The following SDK2 variants were observed in gnomAD, a reference collection of about 807,000 sequenced individuals.
SDK2 encodes sidekick cell adhesion molecule 2.
In SDK2, 105 loss-of-function variants were observed where a neutral mutation model predicts 253.9. The ratio of observed to expected loss-of-function variants is 0.41; its 90% CI spans 0.35 to 0.49. The LOEUF is 0.49. SDK2 is among the 20% of genes least tolerant of loss of function. SDK2 has a pLI of 0.06. For missense variants in SDK2, 2,608 were observed against 3,003.0 expected (o/e 0.87, Z 3.07); for synonymous variants, 1,249 against 1,234.9 (o/e 1.01, Z -0.24).
In SDK2 at chr17:73,399,186, G is replaced by A; in HGVS notation, c.3075C>T (p.Arg1025=). 6.2e-7 allele frequency: 1 copy of A among 1,613,850 alleles called. No homozygotes were observed. Among genetic ancestry groups the A allele is most frequent in the Non-Finnish European group, 8.5e-7 (1 of 1,179,882 alleles). The change falls in exon 22 of 45, where the codon CGC becomes CGT. Residue 1025 remains arginine, a synonymous_variant. Transcript: ENST00000392650. ...GCCCTACCTGGGCTTCCACCAGCCA[G>A]CGGGAGATGGAGGTTTTCCCATCGT... is the stretch of plus-strand genomic sequence containing the variant. The part of the protein sequence containing the change: ...PGYDGKTSIS[R]WLVEAQVGVV...
At chr17:73,587,995 G>T (rs538939065) in intron 1 of SDK2, among the ~76,000 whole-genome samples, 2 of 152,240 alleles carry the variant, frequency 1.3e-5, no homozygotes, top group South Asian at 4.1e-4. Flanking sequence ...ATGTTCATAA[G>T]ACTCTAGTCC....
chr17:73,604,930 G>T (rs2045888019), intron 1 of SDK2, among the ~76,000 whole-genome samples: 1 of 152,174 alleles, frequency 6.6e-6, no homozygotes, highest in Admixed American at 6.5e-5. Flanking sequence ...ACATTTAGTG[G>T]ACCACTGCGG....
chr17:73,343,284 G>C (rs867556310), intron 44 of SDK2, among the ~76,000 whole-genome samples: 7 of 152,262 alleles, frequency 4.6e-5, no homozygotes, highest in Non-Finnish European at 5.9e-5. Context: ...TGCGGGAGGG[G>C]CCAGGCAGGC....
At chr17:73,389,172 G>A (rs2062905316) in intron 29 of SDK2, among the ~76,000 whole-genome samples, 1 of 141,046 alleles carries the variant, frequency 7.1e-6, no homozygotes, top group Non-Finnish European at 1.5e-5. Context: ...ACACCTGGCT[G>A]ATATTCCTTT....
At chr17:73,606,538 C>T (rs1282102226) in intron 1 of SDK2, among the ~76,000 whole-genome samples, 1 of 152,204 alleles carries the variant, frequency 6.6e-6, no homozygotes, top group African/African-American at 2.4e-5. Context: ...ACCCTTACGA[C>T]AGCCACGAAG....
chr17:73,448,023 T>C (rs1039696449), intron 4 of SDK2, among the ~76,000 whole-genome samples: 1 of 152,070 alleles, frequency 6.6e-6, no homozygotes, highest in African/African-American at 2.4e-5. Context: ...GAAGCTTCCC[T>C]GGCCCCTACC....
intron 1 of SDK2, among the ~76,000 whole-genome samples, chr17:73,585,199 C>T (rs2045588051): frequency 1.3e-5 from 2 of 152,246 alleles, no homozygotes; most frequent in Admixed American, 6.5e-5. Context: ...CAGGGCCACA[C>T]AGCTGGAGGC....
chr17:73,347,632 T>G (rs1302935778), intron 44 of SDK2, among the ~76,000 whole-genome samples: 2 of 152,140 alleles, frequency 1.3e-5, no homozygotes, highest in African/African-American at 4.8e-5. Context: ...CTTCCTTCAC[T>G]TCCTCTCCCA....
At chr17:73,422,987 C>T (rs1350106096) in intron 14 of SDK2, among the ~76,000 whole-genome samples, 2 of 151,802 alleles carry the variant, frequency 1.3e-5, no homozygotes, top group African/African-American at 2.4e-5. Flanking sequence ...CACCATTGCA[C>T]TCCAGCCTGG....
In SDK2 at chr17:73,461,921, T is replaced by C. The variant is rs570845414; in HGVS notation, c.332-5868A>G. On this transcript the variant is annotated intron_variant, in intron 3 of 44. Transcript: ENST00000392650. The stretch of plus-strand genomic sequence containing the variant: ...TGTATGCATGTACATGTCTGTATGG[T>C]GGAATGGATGGTTGTATGTATGTTT... 3.7e-3 allele frequency among the ~76,000 whole-genome samples: 559 copies of C among 151,218 alleles called. 2 individuals carry two copies. Among genetic ancestry groups the C allele is most frequent in the Non-Finnish European group, 6.2e-3 (421 of 67,884 alleles).
At chr17:73,525,274 C>T (rs997577953) in intron 1 of SDK2, among the ~76,000 whole-genome samples, 13 of 152,094 alleles carry the variant, frequency 8.5e-5, no homozygotes, top group East Asian at 3.9e-4. Context: ...AGGGGGTGAA[C>T]GCCAGGAGGG....
chr17:73,490,628 A>C (rs976297937), intron 2 of SDK2, among the ~76,000 whole-genome samples: 2 of 149,980 alleles, frequency 1.3e-5, no homozygotes, highest in Non-Finnish European at 3.0e-5. Flanking sequence ...CCTGGGTTCA[A>C]GTGATCCCCC....
At position 73,337,432 on chromosome 17, in the gene SDK2, G is replaced by A. The variant is rs1390281307; in HGVS notation, c.*1155C>T. The A allele has an allele frequency of 2.0e-5, 3 of 152,196 alleles. No homozygotes were observed. Among genetic ancestry groups the A allele is most frequent in the Admixed American group, 2.0e-4 (3 of 15,262 alleles). 9.4% of individuals were successfully genotyped at this position (152,196 alleles called of 1,614,324 possible). A position where few individuals can be genotyped will look rare whatever the true frequency, so the allele number is the denominator to read the frequency against. ...AGATCTGAAAGTGAGTGTGCTGTCT[G>A]GCTAGGAGGGCCCAGATGAGTTTGT... On this transcript the variant is annotated 3_prime_UTR_variant, in exon 45 of 45. Coordinates refer to ENST00000392650, the MANE Select transcript of SDK2 (RefSeq NM_001144952.2).
At chr17:73,474,104 C>T (rs933038406) in intron 2 of SDK2, among the ~76,000 whole-genome samples, 50 of 152,166 alleles carry the variant, frequency 3.3e-4, no homozygotes, top group African/African-American at 1.2e-3. Context: ...TTGGCACAAG[C>T]AATCCTCCCA....
Position 73,350,145 on chromosome 17 carries a change from G to A in SDK2, c.6038+92C>T, listed in dbSNP as rs1248093290. 7.0e-6 allele frequency: 5 copies of A among 711,886 alleles called. No individual in the cohort carries two copies. In the African/African-American group the frequency reaches 8.2e-5, roughly 12 times the overall value. 44.1% of individuals were successfully genotyped at this position (711,886 alleles called of 1,614,324 possible). On this transcript the variant is annotated intron_variant, in intron 43 of 44. Coordinates refer to ENST00000392650, the MANE Select transcript of SDK2 (RefSeq NM_001144952.2). ...GTTTCCCAGGACAAGGTATGGCCAG[G>A]TGGGCACTCCCTGCTCTATGGCCTT... is the stretch of plus-strand genomic sequence containing the variant.
At chr17:73,405,972 C>G (rs946961383) in intron 18 of SDK2, among the ~76,000 whole-genome samples, 3 of 152,012 alleles carry the variant, frequency 2.0e-5, no homozygotes, top group African/African-American at 7.2e-5. Context: ...ATCCGCCTGC[C>G]TTGGCCTCCC....
At chr17:73,464,936 C>T (rs574435571) in intron 3 of SDK2, among the ~76,000 whole-genome samples, 14 of 152,270 alleles carry the variant, frequency 9.2e-5, no homozygotes, top group Middle Eastern at 3.4e-3. Context: ...AGGGCAGAGA[C>T]GTGTGTCTTG....
chr17:73,379,679 G>C lies in SDK2; in HGVS notation c.4763-130C>G. On this transcript the variant is annotated intron_variant, in intron 34 of 44. Transcript: ENST00000392650. The surrounding 1 kb of genome is among the most constrained non-coding windows in gnomAD (Gnocchi z 4.5). ...CCGCCATTCTAGCCCCCTCTGTGAA[G>C]GTGCATGAAGGAGGAGGTGAGAGGC... is the stretch of plus-strand genomic sequence containing the variant. 1 of 628,716 alleles carries C rather than the reference G, an allele frequency of 1.6e-6. No individual in the cohort carries two copies. The highest frequency in any genetic ancestry group is 2.0e-5 in the South Asian group (1 of 51,168). The allele number at this position is 628,716 out of a possible 1,614,324, so 38.9% of individuals were successfully genotyped here.
At chr17:73,425,324 T>C (rs949242512) in intron 12 of SDK2, among the ~76,000 whole-genome samples, 2 of 151,884 alleles carry the variant, frequency 1.3e-5, no homozygotes, top group African/African-American at 4.8e-5. Flanking sequence ...AAAAGAAAAC[T>C]CAAAAGTTTT....
Sources: allele counts gnomAD v4.1 joint callset (sites outside exome capture counted in the v4.1 genomes callset), GRCh38; gene constraint gnomAD v4.1.1; non-coding constraint Gnocchi (gnomAD v3.1); transcripts MANE v1.5; gene names NCBI Gene and HGNC (gene_info 2026-07-23, HGNC 2026-07-21).